The following KCNQ5 variants were observed in gnomAD, a reference collection of about 807,000 sequenced individuals.
The protein encoded by KCNQ5 is potassium voltage-gated channel subfamily KQT member 5.
Under a neutral mutation model 98.2 loss-of-function variants are expected in KCNQ5, and 30 were observed. The observed-to-expected ratio is 0.31, with a 90% CI of 0.23 to 0.41. KCNQ5 has a LOEUF of 0.41. KCNQ5 is among the 10% of genes least tolerant of loss of function. The probability of loss-of-function intolerance (pLI) is 1.00; values close to 1 mark genes in which losing one functional copy is unlikely to be tolerated. For missense variants in KCNQ5, 835 were observed against 1,182.5 expected (o/e 0.71, Z 4.31); for synonymous variants, 458 against 449.4 (o/e 1.02, Z -0.24).
intron 3 of KCNQ5, among the ~76,000 whole-genome samples, chr6:73,069,358 A>G (rs1773206572): frequency 1.3e-5 from 2 of 152,138 alleles, no homozygotes; most frequent in Non-Finnish European, 1.5e-5. Context: ...TCTCAACTGC[A>G]AAATATGGGA....
chr6:72,775,464 G>A (rs1016449663), intron 1 of KCNQ5, among the ~76,000 whole-genome samples: 2 of 152,290 alleles, frequency 1.3e-5, no homozygotes, highest in East Asian at 3.9e-4. Flanking sequence ...AGACACATTT[G>A]CCATGCAGAA....
chr6:73,045,336 G>A (rs1037563465), intron 3 of KCNQ5, among the ~76,000 whole-genome samples: 2 of 152,080 alleles, frequency 1.3e-5, no homozygotes, highest in Non-Finnish European at 2.9e-5. Flanking sequence ...GTACATTGAT[G>A]TATGTCTGCT....
In KCNQ5 at chr6:73,115,225, T is replaced by A. The variant is rs1397118675; in HGVS notation, c.1125+3822T>A. On this transcript the variant is annotated intron_variant, in intron 7 of 13. Transcript: ENST00000370398. ...AAAAAAACAGAAGGTAAGATAAAGT[T>A]GTGAAAATTTCCCTGAAACTAGAAT... Among the ~76,000 whole-genome samples, 3 of 151,916 alleles carry A rather than the reference T, an allele frequency of 2.0e-5. No individual in the cohort carries two copies. In the East Asian group the frequency reaches 5.8e-4, roughly 29 times the overall value.
At chr6:72,887,226 G>T (rs1778881038) in intron 1 of KCNQ5, among the ~76,000 whole-genome samples, 1 of 152,158 alleles carries the variant, frequency 6.6e-6, no homozygotes, top group Non-Finnish European at 1.5e-5. Flanking sequence ...GTTCCACATG[G>T]CTGGGAAGGC....
At chr6:73,039,933 A>G (rs1036204344) in intron 2 of KCNQ5, among the ~76,000 whole-genome samples, 1 of 152,122 alleles carries the variant, frequency 6.6e-6, no homozygotes, top group African/African-American at 2.4e-5. Flanking sequence ...AAGTTCCCAA[A>G]TACGACTTAA....
chr6:73,039,891 A>G (rs1177594324), intron 2 of KCNQ5, among the ~76,000 whole-genome samples: 2 of 152,158 alleles, frequency 1.3e-5, no homozygotes. Flanking sequence ...TGCTATGCCC[A>G]TAGTTCTGAG....
intron 1 of KCNQ5, among the ~76,000 whole-genome samples, chr6:72,695,336 T>C (rs1768431757): frequency 6.6e-6 from 1 of 152,220 alleles, no homozygotes; most frequent in African/African-American, 2.4e-5. Context: ...TTTTTATTTC[T>C]ATTTTTTCTT....
intron 1 of KCNQ5, among the ~76,000 whole-genome samples, chr6:72,706,705 C>G (rs1253446167): frequency 2.0e-5 from 3 of 152,064 alleles, no homozygotes; most frequent in African/African-American, 7.2e-5. Context: ...CATCAAGGTG[C>G]CTTCTACATA....
At chr6:73,107,771 A>T (rs1466410429) in intron 6 of KCNQ5, among the ~76,000 whole-genome samples, 1 of 152,240 alleles carries the variant, frequency 6.6e-6, no homozygotes, top group Non-Finnish European at 1.5e-5. Flanking sequence ...CTATGTTGGA[A>T]ATCTGAAAAT....
chr6:72,639,243 T>C (rs1160384499), intron 1 of KCNQ5, among the ~76,000 whole-genome samples: 1 of 152,062 alleles, frequency 6.6e-6, no homozygotes, highest in Admixed American at 6.6e-5. Flanking sequence ...AAATACAACA[T>C]CCACAGGAAG....
chr6:72,892,948 G>C (rs1190467036), intron 1 of KCNQ5, among the ~76,000 whole-genome samples: 1 of 152,116 alleles, frequency 6.6e-6, no homozygotes, highest in African/African-American at 2.4e-5. Flanking sequence ...TCCCTGTAAA[G>C]TTATAGTAGG....
chr6:73,040,508 A>G (rs1771640950), intron 2 of KCNQ5, among the ~76,000 whole-genome samples: 1 of 152,222 alleles, frequency 6.6e-6, no homozygotes, highest in Non-Finnish European at 1.5e-5. Context: ...TCAACTACCC[A>G]GATATACATT....
chr6:73,176,902 A>G (rs1185098299), intron 11 of KCNQ5, among the ~76,000 whole-genome samples: 3 of 152,182 alleles, frequency 2.0e-5, no homozygotes, highest in African/African-American at 4.8e-5. Flanking sequence ...CAGCACAGAG[A>G]TAAATGGTTT....
At chr6:72,828,731 A>G (rs1369379382) in intron 1 of KCNQ5, among the ~76,000 whole-genome samples, 1 of 151,960 alleles carries the variant, frequency 6.6e-6, no homozygotes, top group African/African-American at 2.4e-5. Context: ...TATTTGTCAA[A>G]ATGACTTTTT....
chr6:72,700,068 A>G (rs945406535), intron 1 of KCNQ5, among the ~76,000 whole-genome samples: 1 of 152,200 alleles, frequency 6.6e-6, no homozygotes. Flanking sequence ...AGCACTCAAT[A>G]AATGTAAAAT....
chr6:72,655,813 C>T (rs1766162597), intron 1 of KCNQ5, among the ~76,000 whole-genome samples: 2 of 152,090 alleles, frequency 1.3e-5, no homozygotes, highest in Non-Finnish European at 2.9e-5. Context: ...ACTGATTTGA[C>T]ACCAATGCAT....
intron 3 of KCNQ5, among the ~76,000 whole-genome samples, chr6:73,058,325 T>C (rs1271179944): frequency 6.6e-6 from 1 of 151,950 alleles, no homozygotes; most frequent in Non-Finnish European, 1.5e-5. Flanking sequence ...GGCAGGAGAA[T>C]GGCGTGAACC....
chr6:73,143,465 C>G (rs1282843032), intron 10 of KCNQ5: 1 of 152,156 alleles, frequency 6.6e-6, no homozygotes, highest in Non-Finnish European at 1.5e-5. Flanking sequence ...AAAGTGCTAC[C>G]CGCTGCTTCT....
chr6:72,720,823 AT>A (rs988710493), intron 1 of KCNQ5, among the ~76,000 whole-genome samples: 1 of 152,156 alleles, frequency 6.6e-6, no homozygotes, highest in Non-Finnish European at 1.5e-5. Flanking sequence ...TCAGAAGAAA[AT>A]CTCAACTTCT....
Sources: allele counts gnomAD v4.1 joint callset (sites outside exome capture counted in the v4.1 genomes callset), GRCh38; gene constraint gnomAD v4.1.1; transcripts MANE v1.5; gene names NCBI Gene and HGNC (gene_info 2026-07-23, HGNC 2026-07-21).